SYNPO2: variants seen among roughly 807,000 people sequenced by gnomAD.
SYNPO2 encodes the protein synaptopodin 2.
Under a neutral mutation model 85.0 loss-of-function variants are expected in SYNPO2, and 56 were observed. The observed-to-expected ratio is 0.66, with a 90% CI of 0.53 to 0.82. SYNPO2 has a LOEUF of 0.82. Among genes scored for constraint, SYNPO2 ranks in the 40% least tolerant of loss-of-function variants. SYNPO2 has a pLI of 0.00. For synonymous variants in SYNPO2, 602 were observed against 591.1 expected (o/e 1.02, Z -0.27); for missense variants, 1,575 against 1,534.2 (o/e 1.03, Z -0.44).
In SYNPO2 at chr4:118,863,056, G is replaced by GC. The variant is rs1731638558; in HGVS notation, c.12+12118dup. ...GAACTCCTGACCTCGTGACCCACCT[G>GC]CCTTAGCCTTCCAAAGTGCTGGGAT... On this transcript the variant is annotated intron_variant, in intron 1 of 4. Coordinates refer to the SYNPO2 transcript ENST00000610556. 2.6e-5 allele frequency among the ~76,000 whole-genome samples: 4 copies of GC among 152,230 alleles called. No homozygotes were observed. In the South Asian group the frequency reaches 8.3e-4, roughly 32 times the overall value.
chr4:118,897,569 C>A (rs1732589973), intron 1 of SYNPO2, among the ~76,000 whole-genome samples: 1 of 152,098 alleles, frequency 6.6e-6, no homozygotes, highest in Non-Finnish European at 1.5e-5. Flanking sequence ...ATAGTATCTT[C>A]TGGAGAAAAT....
At chr4:119,004,154 G>C (rs1297099936) in intron 1 of SYNPO2, among the ~76,000 whole-genome samples, 1 of 152,040 alleles carries the variant, frequency 6.6e-6, no homozygotes, top group South Asian at 2.1e-4. Context: ...TGTATTGTTT[G>C]TTTGGCTTTC....
rs145121607 is a variant in SYNPO2 at position 118,867,467 on chromosome 4, C to CT, written c.12+16541dup. ...CCTTGTGGTTCCTATTAGTTTCTTT[C>CT]TTTTTTTTTTTTTTCAGTCTTAGAC... On this transcript the variant is annotated intron_variant, in intron 1 of 4. Transcript: ENST00000610556. Among the ~76,000 whole-genome samples, 195 of 138,438 alleles carry CT rather than the reference C, an allele frequency of 1.4e-3. 1 individual carries two copies. The highest frequency in any genetic ancestry group is 3.8e-3 in the Middle Eastern group (1 of 262). The allele number at this position is 138,438 out of a possible 152,430, so 90.8% of individuals were successfully genotyped here.
chr4:119,023,413 T>C lies in SYNPO2; in HGVS notation c.106-17T>C, dbSNP rs747334514. 6.3e-7 allele frequency: 1 copy of C among 1,593,304 alleles called. No individual in the cohort carries two copies. The highest frequency in any genetic ancestry group is 8.5e-7 in the Non-Finnish European group (1 of 1,171,220). On this transcript the variant is annotated splice_polypyrimidine_tract_variant and intron_variant, in intron 1 of 4. Transcript: ENST00000307142. ...ATTATATCATTCTACTATGTCTTCT[T>C]TTTTTACTCCACTCAGATTCGAAAT...
intron 1 of SYNPO2, among the ~76,000 whole-genome samples, chr4:118,921,552 A>G (rs984137722): frequency 1.3e-5 from 2 of 152,128 alleles, no homozygotes; most frequent in Non-Finnish European, 2.9e-5. Context: ...CTTTGAGCCC[A>G]GCCTGGGAAA....
At chr4:118,988,210 A>T in intron 1 of SYNPO2, among the ~76,000 whole-genome samples, 1 of 152,220 alleles carries the variant, frequency 6.6e-6, no homozygotes, top group Non-Finnish European at 1.5e-5. Flanking sequence ...AATTTATGTG[A>T]ATGTACACCT....
chr4:118,997,634 G>T (rs1300531675), intron 1 of SYNPO2, among the ~76,000 whole-genome samples: 2 of 152,202 alleles, frequency 1.3e-5, no homozygotes, highest in Non-Finnish European at 2.9e-5. Context: ...ATTCAATAGT[G>T]GATGCCTGCT....
At chr4:118,894,372 G>C (rs1486221743) in intron 1 of SYNPO2, among the ~76,000 whole-genome samples, 6 of 152,158 alleles carry the variant, frequency 3.9e-5, no homozygotes, top group Non-Finnish European at 5.9e-5. Flanking sequence ...GCCTGGGTCA[G>C]CGGGAGTGGG....
chr4:118,874,671 C>G (rs765138260), intron 1 of SYNPO2, among the ~76,000 whole-genome samples: 2 of 151,744 alleles, frequency 1.3e-5, no homozygotes, highest in Non-Finnish European at 2.9e-5. Context: ...TAAACTGTTA[C>G]AATTCAATGG....
chr4:119,014,628 A>G (rs1043635390), intron 1 of SYNPO2, among the ~76,000 whole-genome samples: 1 of 152,226 alleles, frequency 6.6e-6, no homozygotes, highest in Admixed American at 6.5e-5. Context: ...AAAACAGAGT[A>G]TCTTTGAAGT....
At chr4:118,890,697 TTC>T (rs796242049) in intron 1 of SYNPO2, among the ~76,000 whole-genome samples, 3,597 of 81,820 alleles carry the variant, frequency 0.044, 168 homozygotes, top group East Asian at 0.16. Flanking sequence ...TCTCATCGGT[TTC>T]TCTCTCTCTC....
At chr4:118,885,018 G>A (rs547908359), upstream of SYNPO2, among the ~76,000 whole-genome samples, 1 of 152,198 alleles carries the variant, frequency 6.6e-6, no homozygotes, top group East Asian at 1.9e-4. Context: ...ATCTGAGGCC[G>A]GAGGATGAGG....
At chr4:119,038,496 A>T in intron 4 of SYNPO2, 1 of 985,398 alleles carries the variant, frequency 1.0e-6, no homozygotes, top group Non-Finnish European at 1.2e-6. Context: ...TTAAAAATAA[A>T]GCATAATCAA....
In SYNPO2 at chr4:119,057,451, T is replaced by G; in HGVS notation, c.3303T>G (p.Ile1101Met). The change falls in exon 5 of 5, where the codon ATT becomes ATG. Residue 1101 changes from isoleucine to methionine, a missense_variant. By Grantham distance (10) the Ile-to-Met change is conservative (BLOSUM62 1). Transcript: ENST00000307142. The part of the protein sequence containing the change: ...SLPGRSVPPP[I>M]STSPWVYQPT... The stretch of plus-strand genomic sequence containing the variant: ...CTGGAAGATCAGTCCCACCCCCCAT[T>G]TCTACATCTCCTTGGGTATACCAGC... The G allele has an allele frequency of 1.2e-6, 2 of 1,613,460 alleles. No individual in the cohort carries two copies. Among genetic ancestry groups the G allele is most frequent in the Non-Finnish European group, 1.7e-6 (2 of 1,179,788 alleles).
intron 2 of SYNPO2, 27 bp from the exon 3 acceptor site, chr4:119,026,600 T>C (rs1217620731): frequency 2.6e-6 from 4 of 1,555,304 alleles, no homozygotes; most frequent in Non-Finnish European, 3.5e-6. Context: ...CTGATTTAAG[T>C]GTCTGGAATG....
chr4:118,948,100 T>G (rs1560898953), intron 1 of SYNPO2, among the ~76,000 whole-genome samples: 1 of 152,258 alleles, frequency 6.6e-6, no homozygotes, highest in Non-Finnish European at 1.5e-5. Context: ...AGAATTTTTG[T>G]AACTAGAGGT....
At chr4:119,042,642 A>T (rs756912308) in intron 4 of SYNPO2, 7 of 152,258 alleles carry the variant, frequency 4.6e-5, no homozygotes, top group Non-Finnish European at 1.0e-4. Flanking sequence ...CACTTTATGC[A>T]TCATAGGGAA....
At chr4:118,933,829 G>GTTTTTTTTTTTTTTTTTTTTT (rs71595334) in intron 1 of SYNPO2, among the ~76,000 whole-genome samples, 1 of 102,318 alleles carries the variant, frequency 9.8e-6, no homozygotes, top group Non-Finnish European at 1.9e-5. Context: ...TGTTGTTGTT[G>GTTTTTTTTTTTTTTTTTTTTT]TTTTTTTTTT....
At chr4:118,852,826 T>G (rs1731443001) in intron 1 of SYNPO2, among the ~76,000 whole-genome samples, 1 of 152,116 alleles carries the variant, frequency 6.6e-6, no homozygotes, top group South Asian at 2.1e-4. Flanking sequence ...TTACACAAGT[T>G]TACCTATATA....
Sources: gnomAD v4.1 joint callset for allele counts (sites outside exome capture counted in the v4.1 genomes callset) on GRCh38, gnomAD v4.1.1 for gene constraint, MANE v1.5 for transcripts, NCBI Gene and HGNC (gene_info 2026-07-23, HGNC 2026-07-21) for gene names.